STOML1: variants seen among roughly 807,000 people sequenced by gnomAD.
The protein encoded by STOML1 is stomatin-like protein 1.
STOML1 carries 27 observed loss-of-function variants against 35.7 expected under a neutral mutation model. The observed-to-expected ratio is 0.76, with a 90% CI of 0.56 to 1.04. The LOEUF (loss-of-function observed/expected upper bound fraction) is 1.04, where lower values mean the gene tolerates loss of function less well. STOML1 is among the 50% of genes least tolerant of loss of function. The pLI, the probability that STOML1 is intolerant of heterozygous loss-of-function variation, is 0.00. For missense variants in STOML1, 451 were observed against 527.1 expected, an observed-to-expected ratio of 0.86 and a Z score of 1.41; for synonymous variants, 219 against 227.9, an observed-to-expected ratio of 0.96 and a Z score of 0.35.
Position 73,979,011 on chromosome 15 carries a change from C to T in STOML1, c.*4926G>A, listed in dbSNP as rs2068930907. ...CAATGGATGAATGAATACATTGTGC[C>T]TCTATCTAGACAATGGAATGTGTTG... On this transcript the variant is annotated 3_prime_UTR_variant, in exon 7 of 7. Coordinates refer to ENST00000541638, the MANE Select transcript of STOML1 (RefSeq NM_004809.5). The T allele has an allele frequency of 1.3e-5, 2 of 152,148 alleles. No individual in the cohort carries two copies. The highest frequency in any genetic ancestry group is 4.8e-5 in the African/African-American group (2 of 41,428). 9.4% of individuals were successfully genotyped at this position (152,148 alleles called of 1,614,324 possible).
chr15:73,990,777 G>T (rs1278031044), intron 1 of STOML1: 1 of 1,525,100 alleles, frequency 6.6e-7, no homozygotes, highest in Non-Finnish European at 8.8e-7. Flanking sequence ...CTGAGTAGGG[G>T]TCAATCCTCT....
chr15:73,990,347 T>C lies in STOML1; in HGVS notation c.240+4A>G. On this transcript the variant is annotated splice_donor_region_variant and intron_variant, in intron 2 of 6. Coordinates refer to ENST00000541638, the MANE Select transcript of STOML1 (RefSeq NM_004809.5). ...ACCCTGGGGGCTGACCCAGCCAGCC[T>C]TACCTTCAGGGCAAACCAGCCAGAA... is the stretch of plus-strand genomic sequence containing the variant. 1 of 1,613,884 alleles carries C rather than the reference T, an allele frequency of 6.2e-7. No homozygotes were observed. The highest frequency in any genetic ancestry group is 8.5e-7 in the Non-Finnish European group (1 of 1,179,874).
At position 73,989,197 on chromosome 15, in the gene STOML1, C is replaced by T; in HGVS notation, c.301G>A (p.Gly101Arg). ...FRLGRIRTPQ[G>R]PGMVLLLPFI... ...GGCAAGAGCAGAACCATGCCAGGTC[C>T]CTGGGGGGTGCGGATCCGGCCCAGG... The change falls in exon 3 of 7, where the codon GGA (glycine) becomes AGA (arginine). Residue 101 changes from glycine to arginine, a missense_variant. Transcript: ENST00000541638. 6.2e-7 allele frequency: 1 copy of T among 1,612,522 alleles called. No individual in the cohort carries two copies. The highest frequency in any genetic ancestry group is 8.5e-7 in the Non-Finnish European group (1 of 1,179,094).
Position 73,988,580 on chromosome 15 carries a change from C to A in STOML1, c.594+19G>T. 2 of 1,613,956 alleles carry A rather than the reference C, an allele frequency of 1.2e-6. No individual in the cohort carries two copies. Among genetic ancestry groups the A allele is most frequent in the South Asian group, 1.1e-5 (1 of 91,044 alleles). ...GCCGGTGCCACCCCTCAAGCTCCGT[C>A]TTGTGAGGGGCTGCCTACCAGAAGC... On this transcript the variant is annotated intron_variant, in intron 4 of 6. Transcript: ENST00000541638. The surrounding 1 kb of genome is among the most constrained non-coding windows in gnomAD (Gnocchi z 4.8).
rs138364662 is a variant in STOML1, at chr15:73,985,630, A to G, written c.595-117T>C. ...GGAGGCACCACACCGCCCTTGAGAC[A>G]CTCCTAGCCTGGGAACACAGGCAGA... On this transcript the variant is annotated intron_variant, in intron 4 of 6. Transcript: ENST00000541638. The G allele has an allele frequency of 2.9e-3, 3,609 of 1,227,676 alleles. 67 individuals are homozygous for G. In the African/African-American group the frequency reaches 0.046, roughly 16 times the overall value. 76.0% of individuals were successfully genotyped at this position (1,227,676 alleles called of 1,614,324 possible).
In STOML1 at chr15:73,988,867, C is replaced by A. The variant is rs1484829203; in HGVS notation, c.391-65G>T. 7.7e-6 allele frequency: 12 copies of A among 1,563,868 alleles called. No homozygotes were observed. The highest frequency in any genetic ancestry group is 9.6e-6 in the Non-Finnish European group (11 of 1,150,448). On this transcript the variant is annotated intron_variant, in intron 3 of 6. Coordinates refer to ENST00000541638, the MANE Select transcript of STOML1 (RefSeq NM_004809.5). The surrounding 1 kb of genome is among the most constrained non-coding windows in gnomAD (Gnocchi z 4.8). The stretch of plus-strand genomic sequence containing the variant: ...TGGGGGTGCAGGGAGGTCAGGCCCA[C>A]TGGGGCCACCCAGCTTGAACCACCT...
At chr15:73,994,581 G>C (rs528179787), upstream of STOML1, 2 of 598,176 alleles carry the variant, frequency 3.3e-6, no homozygotes, top group South Asian at 3.9e-5. Context: ...GCAGCTCTCC[G>C]CCTCTACCTC....
chr15:73,986,804 G>A (rs2069114077), intron 4 of STOML1: 1 of 153,020 alleles, frequency 6.5e-6, no homozygotes, highest in Admixed American at 6.5e-5. Flanking sequence ...TGGGAGCATG[G>A]ATGAAAGTCT....
At chr15:73,984,939 C>G in intron 5 of STOML1, 68 bp from the exon 6 acceptor site, 1 of 1,570,210 alleles carries the variant, frequency 6.4e-7, no homozygotes, top group African/African-American at 1.3e-5. Context: ...AGGTCAGGAC[C>G]ACTCACTGTG....
Position 73,988,604 on chromosome 15 carries a change from G to A in STOML1, c.589C>T (p.Leu197Phe). ...TCTTGTGAGGGGCTGCCTACCAGAA[G>A]CTGGTCGCTGATCTTGAGCTTCTCC... ...QMEKLKISDQ[L>F]LLEINDVTRA... The change falls in exon 4 of 7, where the codon CTT (leucine) becomes TTT (phenylalanine). Residue 197 changes from leucine to phenylalanine, a missense_variant. Physicochemically the swap from Leu to Phe is conservative, Grantham distance 22. Coordinates refer to ENST00000541638, the MANE Select transcript of STOML1 (RefSeq NM_004809.5). The surrounding 1 kb of genome is among the most constrained non-coding windows in gnomAD (Gnocchi z 4.8). 1 of 1,614,218 alleles carries A rather than the reference G, an allele frequency of 6.2e-7. No individual in the cohort carries two copies. Among genetic ancestry groups the A allele is most frequent in the Non-Finnish European group, 8.5e-7 (1 of 1,180,046 alleles).
rs1000676246 is a variant in STOML1 at position 73,988,417 on chromosome 15, C to A, written c.594+182G>T. 5.7e-6 allele frequency: 4 copies of A among 706,686 alleles called. No homozygotes were observed. In the African/African-American group the frequency reaches 7.2e-5, roughly 13 times the overall value. The allele number at this position is 706,686 out of a possible 1,614,324, so 43.8% of individuals were successfully genotyped here. A position where few individuals can be genotyped will look rare whatever the true frequency, so the allele number is the denominator to read the frequency against. On this transcript the variant is annotated intron_variant, in intron 4 of 6. Coordinates refer to ENST00000541638, the MANE Select transcript of STOML1 (RefSeq NM_004809.5). This position sits in a 1 kb window ranked among gnomAD's most constrained non-coding sequence, Gnocchi z 4.8. Reference sequence around the variant, plus strand: ...TTGCCCAGGATCGTTATGGTCTACGCCCACCTGCCATTCCTCAACTCATGG... The same window carrying A: ...TTGCCCAGGATCGTTATGGTCTACGACCACCTGCCATTCCTCAACTCATGG...
intron 2 of STOML1, 193 bp downstream of exon 2, chr15:73,990,158 G>A: frequency 1.7e-6 from 1 of 578,934 alleles, no homozygotes; most frequent in South Asian, 2.1e-5. Context: ...CTGGCTCCCA[G>A]TATGACTTTA....
intron 4 of STOML1, chr15:73,986,248 T>C (rs1397140434): frequency 7.0e-6 from 1 of 142,972 alleles, no homozygotes; most frequent in Non-Finnish European, 1.5e-5. Flanking sequence ...TGCAATGATA[T>C]GAGAGGGGGC....
chr15:73,985,478 C>T lies in STOML1; in HGVS notation c.630G>A (p.Leu210=). ...EINDVTRAWG[L]EVDRVELAVE... ...CTGCCAGCTCCACGCGGTCTACCTC[C>T]AGCCCCCAGGCCCTGGTCACATCGT... The change falls in exon 5 of 7, where the codon CTG becomes CTA. Residue 210 remains leucine, a synonymous_variant. Coordinates refer to ENST00000541638, the MANE Select transcript of STOML1 (RefSeq NM_004809.5). 1 of 1,541,436 alleles carries T rather than the reference C, an allele frequency of 6.5e-7. No individual in the cohort carries two copies. Among genetic ancestry groups the T allele is most frequent in the Non-Finnish European group, 8.7e-7 (1 of 1,146,102 alleles).
chr15:73,988,712 C>A lies in STOML1; in HGVS notation c.481G>T (p.Asp161Tyr). ...GTCATGCGTGTGGCTGTGTTCAGGTCTTTCACAGTCATCACCGACAGCACC... is the reference window on the plus strand; with the variant it reads ...GTCATGCGTGTGGCTGTGTTCAGGTATTTCACAGTCATCACCGACAGCACC... ...DPVLSVMTVKDLNTATRMTAQ... is the reference protein window; with the variant it reads ...DPVLSVMTVKYLNTATRMTAQ... The change falls in exon 4 of 7, where the codon GAC (aspartate) becomes TAC (tyrosine). Residue 161 changes from aspartate (D) to tyrosine (Y), a missense_variant. By Grantham distance (160) the Asp-to-Tyr change is radical (BLOSUM62 -3). Transcript: ENST00000541638. The surrounding 1 kb of genome is among the most constrained non-coding windows in gnomAD (Gnocchi z 4.8). 1 of 1,614,190 alleles carries A rather than the reference C, an allele frequency of 6.2e-7. No individual in the cohort carries two copies. The highest frequency in any genetic ancestry group is 1.3e-5 in the African/African-American group (1 of 75,052).
chr15:73,991,876 G>A, intron 1 of STOML1: 1 of 713,942 alleles, frequency 1.4e-6, no homozygotes, highest in Admixed American at 2.9e-5. Context: ...AACGCTGGCT[G>A]GCTCTGGGGC....
chr15:73,985,662 T>A, intron 4 of STOML1, 149 bp from the exon 5 acceptor site: 1 of 952,312 alleles, frequency 1.1e-6, no homozygotes, highest in Non-Finnish European at 1.5e-6. Flanking sequence ...CAGAGGGCAA[T>A]GACCTTTCAG....
At position 73,992,038 on chromosome 15, in the gene STOML1, T is replaced by G. The variant is rs1011111884; in HGVS notation, c.133+53A>C. ...CTCCTCGGAGGCAGAGATTCGGGCC[T>G]GGGGGTTGCCGGCCGGTCCCCCCCG... On this transcript the variant is annotated intron_variant, in intron 1 of 6. Coordinates refer to ENST00000541638, the MANE Select transcript of STOML1 (RefSeq NM_004809.5). The G allele has an allele frequency of 5.1e-5, 77 of 1,511,200 alleles. No homozygotes were observed. In the Admixed American group the frequency reaches 9.3e-4, roughly 18 times the overall value. The allele number at this position is 1,511,200 out of a possible 1,614,324, so 93.6% of individuals were successfully genotyped here.
intron 5 of STOML1, 125 bp from the exon 6 acceptor site, chr15:73,984,996 C>T (rs2069045134): frequency 3.6e-6 from 4 of 1,114,884 alleles, no homozygotes; most frequent in Non-Finnish European, 5.1e-6. Context: ...CCCTTCAGGC[C>T]TCTGTTCAAC....
Sources: gnomAD v4.1 joint callset for allele counts on GRCh38, gnomAD v4.1.1 for gene constraint, Gnocchi (gnomAD v3.1) non-coding constraint, MANE v1.5 for transcripts, NCBI Gene and HGNC (gene_info 2026-07-23, HGNC 2026-07-21) for gene names.